Variants in OLA1 observed in about 807,000 individuals in gnomAD.
OLA1 encodes the protein obg-like ATPase 1.
Under a neutral mutation model 48.4 loss-of-function variants are expected in OLA1, and 14 were observed. That is an observed-to-expected ratio of 0.29 (90% CI 0.19 to 0.45). The LOEUF (loss-of-function observed/expected upper bound fraction) is 0.45. Ranked by LOEUF, OLA1 falls within the 20% of genes least tolerant of loss-of-function variation. The pLI, the probability that OLA1 is intolerant of heterozygous loss-of-function variation, is 1.00. For missense variants in OLA1, 325 were observed against 467.1 expected (o/e 0.70, Z 2.80); for synonymous variants, 127 against 150.4 (o/e 0.84, Z 1.14).
intron 5 of OLA1, among the ~76,000 whole-genome samples, chr2:174,134,328 A>G (rs1027828630): frequency 2.0e-5 from 3 of 152,222 alleles, no homozygotes; most frequent in African/African-American, 4.8e-5. Flanking sequence ...TAATAACTGT[A>G]TATGTTTATG....
At chr2:174,205,113 T>C (rs931170165) in intron 4 of OLA1, among the ~76,000 whole-genome samples, 1 of 152,222 alleles carries the variant, frequency 6.6e-6, no homozygotes, top group African/African-American at 2.4e-5. Context: ...CTTATTGGTA[T>C]ATCTTCCTCA....
chr2:174,166,102 G>A (rs62174164), intron 4 of OLA1, among the ~76,000 whole-genome samples: 6,406 of 147,910 alleles, frequency 0.043, 188 homozygotes, highest in Non-Finnish European at 0.067. Context: ...TCCAGCCTGG[G>A]CAACAGAGTG....
At chr2:174,215,695 A>T (rs1688347967) in intron 4 of OLA1, among the ~76,000 whole-genome samples, 1 of 152,234 alleles carries the variant, frequency 6.6e-6, no homozygotes, top group Non-Finnish European at 1.5e-5. Flanking sequence ...ACACACTTAC[A>T]GACCATACAT....
intron 2 of OLA1, among the ~76,000 whole-genome samples, chr2:174,237,091 G>C (rs1182284040): frequency 6.6e-6 from 1 of 151,672 alleles, no homozygotes; most frequent in African/African-American, 2.4e-5. Context: ...ATAACACTTA[G>C]CTTAAAATAC....
At position 174,248,520 on chromosome 2, in the gene OLA1, G is replaced by T; in HGVS notation, c.-69C>A. ...GAGAAAGGTCCTGCCGGCAGCTGGA[G>T]GCGGGGAGGAAGGAGGAGAGAACGC... On this transcript the variant is annotated 5_prime_UTR_variant, in exon 1 of 11. Transcript: ENST00000284719. 6.0e-6 allele frequency: 1 copy of T among 165,952 alleles called. No homozygotes were observed. 10.3% of individuals were successfully genotyped at this position (165,952 alleles called of 1,614,324 possible).
chr2:174,213,268 C>G (rs1272261136), intron 4 of OLA1, among the ~76,000 whole-genome samples: 1 of 152,220 alleles, frequency 6.6e-6, no homozygotes, highest in Non-Finnish European at 1.5e-5. Flanking sequence ...GAAAGCAACA[C>G]TCTTGCTTCT....
In OLA1 at chr2:174,223,037, T is replaced by C; in HGVS notation, c.369A>G (p.Leu123=). Residue 123 remains leucine, a synonymous_variant, in exon 4 of 11, where the codon CTA becomes CTG. Coordinates refer to ENST00000284719, the MANE Select transcript of OLA1 (RefSeq NM_013341.5). ...TAAATAAACAACTGTACTTACGTGT[T>C]AGATGAAAGATGCCATCACAGGCAC... is the stretch of plus-strand genomic sequence containing the variant. ...HISACDGIFH[L]TRAFEDDDIT... 6.2e-7 allele frequency: 1 copy of C among 1,611,964 alleles called. No homozygotes were observed. The highest frequency in any genetic ancestry group is 8.5e-7 in the Non-Finnish European group (1 of 1,179,064).
At chr2:174,076,345 C>T (rs948448186) in intron 10 of OLA1, among the ~76,000 whole-genome samples, 1 of 152,172 alleles carries the variant, frequency 6.6e-6, no homozygotes, top group Non-Finnish European at 1.5e-5. Context: ...CCACACTTAA[C>T]ACTGCACACA....
rs538140894 is a variant in OLA1, at chr2:174,148,474, T to C, written c.374-6474A>G. On this transcript the variant is annotated intron_variant, in intron 4 of 10. Transcript: ENST00000284719. Reference sequence around the variant, plus strand: ...ACTCACATAATGCGTAACTAAAATGTTAACTATGGTAAACTCTCATTTAAA... The same window carrying C: ...ACTCACATAATGCGTAACTAAAATGCTAACTATGGTAAACTCTCATTTAAA... Among the ~76,000 whole-genome samples, 10 of 152,332 alleles carry C rather than the reference T, an allele frequency of 6.6e-5. No individual in the cohort carries two copies. In the South Asian group the frequency reaches 1.9e-3, roughly 28 times the overall value.
In OLA1 at chr2:174,223,064, A is replaced by G; in HGVS notation, c.342T>C (p.Ile114=). The change falls in exon 4 of 11, where the codon ATT becomes ATC. Residue 114 remains isoleucine, a synonymous_variant. Coordinates refer to ENST00000284719, the MANE Select transcript of OLA1 (RefSeq NM_013341.5). ...QGLGNAFLSH[I]SACDGIFHLT... is the part of the protein sequence containing the mutation. ...GATGAAAGATGCCATCACAGGCACT[A>G]ATATGAGATAAAAAAGCATTCCCCA... The G allele has an allele frequency of 6.2e-7, 1 of 1,613,810 alleles. No individual in the cohort carries two copies. Among genetic ancestry groups the G allele is most frequent in the Non-Finnish European group, 8.5e-7 (1 of 1,179,798 alleles).
intron 5 of OLA1, among the ~76,000 whole-genome samples, chr2:174,132,634 T>G (rs1423933773): frequency 6.6e-6 from 1 of 152,166 alleles, no homozygotes; most frequent in Admixed American, 6.5e-5. Context: ...CTTCCAGACA[T>G]TTAGACAATT....
chr2:174,153,406 C>T (rs1044573813), intron 4 of OLA1, among the ~76,000 whole-genome samples: 2 of 151,892 alleles, frequency 1.3e-5, no homozygotes, highest in Admixed American at 6.6e-5. Context: ...AGAGAAAGCA[C>T]GTAGAAAGAC....
Position 174,123,624 on chromosome 2 carries a change from G to A in OLA1, c.601C>T (p.Arg201Cys). 4 of 1,596,976 alleles carry A rather than the reference G, an allele frequency of 2.5e-6. No individual in the cohort carries two copies. Among genetic ancestry groups the A allele is most frequent in the East Asian group, 2.3e-5 (1 of 44,026 alleles). ...SWVIDQKKPV[R>C]FYHDWNDKEI... is the part of the protein sequence containing the mutation. ...TTGTCATTCCAATCATGATAGAAGCGAACAGGTTTCTTTTGATCTATAACC... is the reference window on the plus strand; with the variant it reads ...TTGTCATTCCAATCATGATAGAAGCAAACAGGTTTCTTTTGATCTATAACC... The change falls in exon 6 of 11, where the codon CGC becomes TGC. Residue 201 changes from arginine to cysteine, a missense_variant. Coordinates refer to ENST00000284719, the MANE Select transcript of OLA1 (RefSeq NM_013341.5).
chr2:174,161,394 G>A (rs2105396501), intron 4 of OLA1, among the ~76,000 whole-genome samples: 1 of 152,202 alleles, frequency 6.6e-6, no homozygotes, highest in East Asian at 1.9e-4. Context: ...AGAAATAAAT[G>A]TAAAACAGTA....
intron 4 of OLA1, among the ~76,000 whole-genome samples, chr2:174,188,084 A>G (rs1432749390): frequency 6.6e-6 from 1 of 152,220 alleles, no homozygotes; most frequent in African/African-American, 2.4e-5. Context: ...TGATCATGAT[A>G]AAACCAATGA....
chr2:174,102,534 T>C (rs999811448), intron 7 of OLA1, among the ~76,000 whole-genome samples: 16 of 151,872 alleles, frequency 1.1e-4, no homozygotes, highest in Non-Finnish European at 5.9e-5. Flanking sequence ...GCACATAGAA[T>C]GAAAGTGCTC....
In OLA1 at chr2:174,076,720, C is replaced by T. The variant is rs142490685; in HGVS notation, c.1090-1193G>A. On this transcript the variant is annotated intron_variant, in intron 10 of 10. Transcript: ENST00000284719. ...ATAAAGCTTATTTCTAGAAAGCCAA[C>T]GTAACGTACCCTACAATTAAAGGCA... Among the ~76,000 whole-genome samples, 1,274 of 151,262 alleles carry T rather than the reference C, an allele frequency of 8.4e-3. 18 individuals are homozygous for T. The highest frequency in any genetic ancestry group is 0.029 in the African/African-American group (1,207 of 41,270).
At chr2:174,171,933 A>ACGGGCAG (rs1316375249) in intron 4 of OLA1, 1 of 153,022 alleles carries the variant, frequency 6.5e-6, no homozygotes, top group Non-Finnish European at 1.5e-5. Context: ...GCCCACCACC[A>ACGGGCAG]CGGGCAGCGG....
At chr2:174,171,414 G>A (rs540198460) in intron 4 of OLA1, among the ~76,000 whole-genome samples, 1 of 152,122 alleles carries the variant, frequency 6.6e-6, no homozygotes, top group African/African-American at 2.4e-5. Flanking sequence ...ATCACACAGA[G>A]GATGATCCCT....
Sources: gnomAD v4.1 joint callset for allele counts (sites outside exome capture counted in the v4.1 genomes callset) on GRCh38, gnomAD v4.1.1 for gene constraint, MANE v1.5 for transcripts, NCBI Gene and HGNC (gene_info 2026-07-23, HGNC 2026-07-21) for gene names.